SAMMSON: variants seen among roughly 807,000 people sequenced by gnomAD.
SAMMSON encodes long intergenic non-protein coding RNA 1212.
At chr3:70,434,024 C>T (rs1280041740) in intron 2 of SAMMSON, among the ~76,000 whole-genome samples, 1 of 152,148 alleles carries the variant, frequency 6.6e-6, no homozygotes, top group African/African-American at 2.4e-5. Context: ...TCACTAATAC[C>T]ACACTTTCTT....
rs574822398 is a variant in SAMMSON, at chr3:70,136,716, A to G, written n.507+65151A>G. Among the ~76,000 whole-genome samples the G allele has an allele frequency of 5.9e-5, 9 of 152,358 alleles. No individual in the cohort carries two copies. In the South Asian group the frequency reaches 1.9e-3, roughly 32 times the overall value. ...TGTATTAAGTATTTTCTGAAATAAAAATAGCTTAGGAGAATACTGTATTTT... is the reference window on the plus strand; with the variant it reads ...TGTATTAAGTATTTTCTGAAATAAAGATAGCTTAGGAGAATACTGTATTTT... On this transcript the variant is annotated intron_variant and non_coding_transcript_variant, in intron 4 of 9. Coordinates refer to ENST00000642114, the Ensembl canonical transcript of SAMMSON.
intron 1 of SAMMSON, among the ~76,000 whole-genome samples, chr3:70,010,758 C>T (rs9817276): frequency 0.036 from 5,445 of 152,130 alleles, 294 homozygotes; most frequent in African/African-American, 0.11. Flanking sequence ...CTCACAGTTC[C>T]GCATTGTCGG....
At position 70,317,095 on chromosome 3, in the gene SAMMSON, G is replaced by T. The variant is rs113587864; in HGVS notation, n.739+25852G>T. ...CTCCACTTCATGTTATGGGTAATAG[G>T]TTTATAACTATATAATTTCATTTAC... On this transcript the variant is annotated intron_variant and non_coding_transcript_variant, in intron 7 of 9. Transcript: ENST00000642114. Among the ~76,000 whole-genome samples the T allele has an allele frequency of 3.3e-5, 5 of 151,970 alleles. No homozygotes were observed. In the East Asian group the frequency reaches 9.7e-4, roughly 29 times the overall value.
intron 4 of SAMMSON, among the ~76,000 whole-genome samples, chr3:70,223,293 G>C (rs1318349141): frequency 1.3e-5 from 2 of 152,090 alleles, no homozygotes; most frequent in Non-Finnish European, 2.9e-5. Flanking sequence ...ACACAGTCAA[G>C]ACTCAACTCA....
At chr3:70,251,147 G>T (rs576213780) in intron 6 of SAMMSON, among the ~76,000 whole-genome samples, 2 of 152,116 alleles carry the variant, frequency 1.3e-5, no homozygotes, top group Non-Finnish European at 2.9e-5. Flanking sequence ...TTCCATTAGA[G>T]AAATTGCAAA....
At position 70,409,893 on chromosome 3, in the gene SAMMSON, C is replaced by T. The variant is rs563549526; in HGVS notation, n.233+51569C>T. ...TGTTACATGGGTATATTTTATGATA[C>T]TGAGGTTTGGGGTATGACTGATCCC... is the stretch of plus-strand genomic sequence containing the variant. On this transcript the variant is annotated intron_variant and non_coding_transcript_variant, in intron 2 of 3. Coordinates refer to the SAMMSON transcript ENST00000641053. Among the ~76,000 whole-genome samples, 12 of 152,156 alleles carry T rather than the reference C, an allele frequency of 7.9e-5. No homozygotes were observed. In the East Asian group the frequency reaches 1.9e-3, roughly 24 times the overall value.
chr3:70,108,668 T>C (rs956680163), intron 4 of SAMMSON, among the ~76,000 whole-genome samples: 1 of 151,650 alleles, frequency 6.6e-6, no homozygotes, highest in South Asian at 2.1e-4. Flanking sequence ...ATGAGATTAG[T>C]GCTTTTGTAA....
chr3:70,289,832 T>C (rs1305386276), intron 6 of SAMMSON, among the ~76,000 whole-genome samples: 2 of 152,088 alleles, frequency 1.3e-5, no homozygotes, highest in Non-Finnish European at 2.9e-5. Flanking sequence ...GCTGATACCC[T>C]TTCTTCCAGT....
At chr3:70,086,223 T>C (rs539573899) in intron 4 of SAMMSON, among the ~76,000 whole-genome samples, 4 of 152,206 alleles carry the variant, frequency 2.6e-5, no homozygotes, top group Admixed American at 6.5e-5. Flanking sequence ...TTGCCTTCTC[T>C]CTTCTCACAT....
At chr3:70,342,961 T>C (rs970475723) in intron 7 of SAMMSON, among the ~76,000 whole-genome samples, 1 of 152,176 alleles carries the variant, frequency 6.6e-6, no homozygotes, top group Admixed American at 6.5e-5. Context: ...TAAAAGTTAG[T>C]TGTGGGTGTA....
intron 4 of SAMMSON, among the ~76,000 whole-genome samples, chr3:70,101,375 A>G (rs1392890184): frequency 2.0e-5 from 3 of 151,832 alleles, no homozygotes; most frequent in Non-Finnish European, 4.4e-5. Flanking sequence ...TTTGCCTGGG[A>G]AAATATTGGG....
At chr3:70,010,737 G>A (rs1190888541) in intron 1 of SAMMSON, among the ~76,000 whole-genome samples, 1 of 152,118 alleles carries the variant, frequency 6.6e-6, no homozygotes, top group African/African-American at 2.4e-5. Flanking sequence ...AAAGGAAAGA[G>A]GCTTAATTGA....
At chr3:70,429,781 T>C (rs867934956) in intron 2 of SAMMSON, among the ~76,000 whole-genome samples, 1 of 152,200 alleles carries the variant, frequency 6.6e-6, no homozygotes, top group African/African-American at 2.4e-5. Flanking sequence ...TACTGGTGTA[T>C]AGGAATGCTT....
At chr3:70,293,077 A>G (rs1047481960) in intron 7 of SAMMSON, among the ~76,000 whole-genome samples, 19 of 146,798 alleles carry the variant, frequency 1.3e-4, no homozygotes, top group African/African-American at 4.2e-4. Context: ...AAAAAGTAGC[A>G]TATTACATGA....
intron 7 of SAMMSON, among the ~76,000 whole-genome samples, chr3:70,323,089 T>C (rs1702549754): frequency 6.6e-6 from 1 of 152,034 alleles, no homozygotes; most frequent in African/African-American, 2.4e-5. Context: ...GAAAATGGCA[T>C]CTCTTTACTT....
intron 9 of SAMMSON, among the ~76,000 whole-genome samples, chr3:70,384,348 G>A (rs751103064): frequency 1.3e-5 from 2 of 151,882 alleles, no homozygotes; most frequent in African/African-American, 2.4e-5. Flanking sequence ...TGATAGGAAG[G>A]CATCAAAGCC....
At chr3:70,203,321 C>T (rs533679799) in intron 4 of SAMMSON, among the ~76,000 whole-genome samples, 1 of 152,162 alleles carries the variant, frequency 6.6e-6, no homozygotes, top group African/African-American at 2.4e-5. Context: ...GTGTAAAAAT[C>T]GGTTCCCACT....
chr3:70,185,805 T>TTC lies in SAMMSON; in HGVS notation n.508-63302_508-63301insTC, dbSNP rs745665063. ...GAGCAGCATAGCAAGACCCCGCCTC[T>TTC]ACAAAAAAAAAAAAAAAAAAAATTA... On this transcript the variant is annotated intron_variant and non_coding_transcript_variant, in intron 4 of 9. Transcript: ENST00000642114. Among the ~76,000 whole-genome samples the TTC allele has an allele frequency of 1.0e-3, 37 of 37,154 alleles. No homozygotes were observed. The East Asian group carries it at 0.011, about 12-fold the overall frequency. 24.4% of individuals were successfully genotyped at this position (37,154 alleles called of 152,430 possible).
chr3:70,028,625 G>T (rs1229786776), intron 3 of SAMMSON, among the ~76,000 whole-genome samples: 1 of 152,182 alleles, frequency 6.6e-6, no homozygotes, highest in Non-Finnish European at 1.5e-5. Flanking sequence ...TTTAATGGAA[G>T]ATTTTGGTAG....
Sources: allele counts gnomAD v4.1 joint callset (sites outside exome capture counted in the v4.1 genomes callset), GRCh38; gene constraint gnomAD v4.1.1; transcripts MANE v1.5; gene names NCBI Gene and HGNC (gene_info 2026-07-23, HGNC 2026-07-21).